Variants in LRRC41 observed in about 807,000 individuals in gnomAD.
The protein encoded by LRRC41 is leucine rich repeat containing 41, also known as leucine-rich repeat-containing protein 41.
In LRRC41, 17 loss-of-function variants were observed where a neutral mutation model predicts 72.1. The observed-to-expected ratio is 0.24, with a 90% CI of 0.16 to 0.35. LRRC41 has a LOEUF of 0.35. Among genes scored for constraint, LRRC41 ranks in the 10% least tolerant of loss-of-function variants. LRRC41 has a pLI of 1.00. For missense variants in LRRC41, 759 were observed against 1,065.0 expected (o/e 0.71, Z 4.00); for synonymous variants, 427 against 431.0 (o/e 0.99, Z 0.11).
intron 1 of LRRC41, chr1:46,299,545 A>G (rs1661185044): frequency 5.3e-5 from 8 of 152,030 alleles, no homozygotes; most frequent in Admixed American, 5.3e-4. Context: ...AGACCACTGC[A>G]CTCCAGCCTG....
chr1:46,282,786 ACTTT>A (rs994736715), intron 4 of LRRC41, among the ~76,000 whole-genome samples: 26 of 152,088 alleles, frequency 1.7e-4, no homozygotes, highest in African/African-American at 6.3e-4. Flanking sequence ...TAATCCCAGC[ACTTT>A]GGGAGGCTGA....
At position 46,302,595 on chromosome 1, in the gene LRRC41, C is replaced by T; in HGVS notation, c.199+529G>A. On this transcript the variant is annotated intron_variant, in intron 1 of 9. Transcript: ENST00000617190. The surrounding 1 kb of genome is among the most constrained non-coding windows in gnomAD (Gnocchi z 4.7). ...CCAATCTGCTGTCCTCCCCTCCGCC[C>T]ATCGGCTTGGCCTCCGGAATCTCGA... 1.0e-6 allele frequency: 1 copy of T among 985,390 alleles called. No homozygotes were observed. Among genetic ancestry groups the T allele is most frequent in the Non-Finnish European group, 1.2e-6 (1 of 829,916 alleles). 61.0% of individuals were successfully genotyped at this position (985,390 alleles called of 1,614,324 possible). A position where few individuals can be genotyped will look rare whatever the true frequency, so the allele number is the denominator to read the frequency against.
rs201985588 is a variant in LRRC41 at position 46,279,651 on chromosome 1, A to G, written c.2021-37T>C. 13 of 1,613,608 alleles carry G rather than the reference A, an allele frequency of 8.1e-6. No homozygotes were observed. The East Asian group carries it at 2.0e-4, about 25-fold the overall frequency. On this transcript the variant is annotated intron_variant, in intron 7 of 9. Transcript: ENST00000617190. The surrounding 1 kb of genome is among the most constrained non-coding windows in gnomAD (Gnocchi z 4.5). The stretch of plus-strand genomic sequence containing the variant: ...AATTATAGTAAATTCTGATGGCTGC[A>G]TTAGGACTGGTGCTGCCCCTCCTGC...
At chr1:46,295,962 T>C (rs1001865475) in intron 3 of LRRC41, among the ~76,000 whole-genome samples, 2 of 152,198 alleles carry the variant, frequency 1.3e-5, no homozygotes, top group Non-Finnish European at 2.9e-5. Context: ...TAGCTTTTTT[T>C]CCACCTGTTA....
chr1:46,281,533 TC>T, intron 4 of LRRC41, 148 bp from the exon 5 acceptor site: 1 of 775,596 alleles, frequency 1.3e-6, no homozygotes, highest in Non-Finnish European at 2.1e-6. Context: ...TAACTACTCA[TC>T]CATGTCTTGC....
In LRRC41 at chr1:46,286,458, A is replaced by G. The variant is rs1251922255; in HGVS notation, c.399T>C (p.Phe133=). ...CAATGGTCCCACGTAGAACATGGGAAAAAAAGGCCTCCATAAACTTGGCTC... is the reference window on the plus strand; with the variant it reads ...CAATGGTCCCACGTAGAACATGGGAGAAAAAGGCCTCCATAAACTTGGCTC... ...CWRAKFMEAF[F]SHVLRGTIDV... Residue 133 remains phenylalanine (F), a synonymous_variant, in exon 4 of 10, where the codon TTT becomes TTC. Coordinates refer to ENST00000617190, the MANE Select transcript of LRRC41 (RefSeq NM_006369.5). This position sits in a 1 kb window ranked among gnomAD's most constrained non-coding sequence, Gnocchi z 5.5. The G allele has an allele frequency of 1.2e-6, 2 of 1,605,188 alleles. No homozygotes were observed. The highest frequency in any genetic ancestry group is 2.2e-5 in the East Asian group (1 of 44,786).
At chr1:46,296,212 C>T (rs547854749) in intron 3 of LRRC41, among the ~76,000 whole-genome samples, 41 of 152,252 alleles carry the variant, frequency 2.7e-4, no homozygotes, top group African/African-American at 9.9e-4. Flanking sequence ...GTCAGGAGTT[C>T]GAGACCAGCC....
At chr1:46,300,964 T>C (rs1319940807) in intron 1 of LRRC41, among the ~76,000 whole-genome samples, 2 of 152,152 alleles carry the variant, frequency 1.3e-5, no homozygotes, top group Non-Finnish European at 2.9e-5. Flanking sequence ...CCTCTCAACT[T>C]GGCTGGGGGC....
chr1:46,279,035 C>T lies in LRRC41; in HGVS notation c.2269G>A (p.Glu757Lys), dbSNP rs1270267554. 1 of 1,611,614 alleles carries T rather than the reference C, an allele frequency of 6.2e-7. No homozygotes were observed. Among genetic ancestry groups the T allele is most frequent in the Non-Finnish European group, 8.5e-7 (1 of 1,178,780 alleles). The change falls in exon 10 of 10, where the codon GAG (glutamate) becomes AAG (lysine). Residue 757 changes from glutamate (E) to lysine (K), a missense_variant. This residue lies in a region of LRRC41 where 110 missense variants were observed against 227.0 expected (regional missense o/e 0.48). Transcript: ENST00000617190. The surrounding 1 kb of genome is among the most constrained non-coding windows in gnomAD (Gnocchi z 4.5). ...CCAAAGGCTCCACGGCCCCAGCGCT[C>T]CAGCCGCTTGGCGAACTCCAGAAGC... ...DGLLEFAKRL[E>K]RWGRGAFGHL...
chr1:46,303,584 C>A lies in LRRC41; in HGVS notation c.-262G>T. Reference sequence around the variant, plus strand: ...GGGTGCAAACATCAGCTACCCCTAACCTCTGCCTGCGGCTGGTAGTACATG... The same window carrying A: ...GGGTGCAAACATCAGCTACCCCTAAACTCTGCCTGCGGCTGGTAGTACATG... On this transcript the variant is annotated 5_prime_UTR_variant, in exon 1 of 10. Coordinates refer to ENST00000617190, the MANE Select transcript of LRRC41 (RefSeq NM_006369.5). 1.1e-6 allele frequency: 1 copy of A among 941,776 alleles called. No individual in the cohort carries two copies. The allele number at this position is 941,776 out of a possible 1,614,324, so 58.3% of individuals were successfully genotyped here.
intron 1 of LRRC41, among the ~76,000 whole-genome samples, chr1:46,301,755 G>A (rs976410650): frequency 1.3e-4 from 20 of 151,960 alleles, no homozygotes; most frequent in African/African-American, 4.8e-4. Context: ...CTGCAAAGAC[G>A]CCACGGCCAC....
At position 46,297,472 on chromosome 1, in the gene LRRC41, C is replaced by T. The variant is rs1661147789; in HGVS notation, c.357+91G>A. The T allele has an allele frequency of 1.6e-5, 16 of 1,023,792 alleles. No individual in the cohort carries two copies. In the South Asian group the frequency reaches 2.0e-4, roughly 13 times the overall value. 63.4% of individuals were successfully genotyped at this position (1,023,792 alleles called of 1,614,324 possible). On this transcript the variant is annotated intron_variant, in intron 3 of 9. Transcript: ENST00000617190. ...CAAATCCATTCCATCATTGCCTCTG[C>T]ACTTTATCAGTACCCAGCTTGTGTT...
intron 4 of LRRC41, among the ~76,000 whole-genome samples, chr1:46,284,013 A>T (rs1186663374): frequency 1.3e-5 from 2 of 152,164 alleles, no homozygotes; most frequent in African/African-American, 2.4e-5. Context: ...AACAGCAGTA[A>T]ATCCTGCCAA....
intron 3 of LRRC41, among the ~76,000 whole-genome samples, chr1:46,289,044 C>G (rs1234071014): frequency 6.6e-6 from 1 of 152,130 alleles, no homozygotes; most frequent in African/African-American, 2.4e-5. Context: ...GATGGTGAGT[C>G]AAGATATTGT....
chr1:46,290,546 T>G (rs531948674), intron 3 of LRRC41, among the ~76,000 whole-genome samples: 1 of 152,238 alleles, frequency 6.6e-6, no homozygotes, highest in African/African-American at 2.4e-5. Flanking sequence ...ATTTTTAGAA[T>G]ATTTTATTTT....
At chr1:46,287,269 A>G (rs1017725812) in intron 3 of LRRC41, among the ~76,000 whole-genome samples, 1 of 151,754 alleles carries the variant, frequency 6.6e-6, no homozygotes, top group East Asian at 1.9e-4. Context: ...CCACCACGCC[A>G]GGCTAATTTT....
chr1:46,288,404 G>A (rs1660927806), intron 3 of LRRC41, among the ~76,000 whole-genome samples: 1 of 152,214 alleles, frequency 6.6e-6, no homozygotes, highest in South Asian at 2.1e-4. Flanking sequence ...AAATGAAGTA[G>A]TACAAATTAA....
rs60249294 is a variant in LRRC41 at position 46,294,592 on chromosome 1, CTTTT to C, written c.357+2967_357+2970del. On this transcript the variant is annotated intron_variant, in intron 3 of 9. Transcript: ENST00000617190. ...GTGCCTTTACTTTTTACAACTAATTCTTTTTTTTTTTTTTTTTTTTGAGTCGGAG... is the reference window on the plus strand; with the variant it reads ...GTGCCTTTACTTTTTACAACTAATTCTTTTTTTTTTTTTTTTGAGTCGGAG... Among the ~76,000 whole-genome samples, 6 of 108,300 alleles carry C rather than the reference CTTTT, an allele frequency of 5.5e-5. No homozygotes were observed. The East Asian group carries it at 1.8e-3, about 33-fold the overall frequency. The allele number at this position is 108,300 out of a possible 152,430, so 71.0% of individuals were successfully genotyped here. A position where few individuals can be genotyped will look rare whatever the true frequency, so the allele number is the denominator to read the frequency against.
In LRRC41 at chr1:46,277,809, T is replaced by C. The variant is rs746969327; in HGVS notation, c.*1056A>G. On this transcript the variant is annotated 3_prime_UTR_variant, in exon 10 of 10. Transcript: ENST00000617190. ...ATCTTTTGACATTCCCCACCTCCTC[T>C]TCCCCAGGCAGGGACCATTGAGGAG... 1.2e-6 allele frequency: 2 copies of C among 1,601,750 alleles called. No individual in the cohort carries two copies. The highest frequency in any genetic ancestry group is 1.7e-6 in the Non-Finnish European group (2 of 1,169,148).
Sources: gnomAD v4.1 joint callset for allele counts (sites outside exome capture counted in the v4.1 genomes callset) on GRCh38, gnomAD v4.1.1 for gene constraint, gnomAD v4.1.1 regional missense constraint, Gnocchi (gnomAD v3.1) non-coding constraint, MANE v1.5 for transcripts, NCBI Gene and HGNC (gene_info 2026-07-23, HGNC 2026-07-21) for gene names.